MPRIP: variants seen among roughly 807,000 people sequenced by gnomAD.
MPRIP encodes the protein myosin phosphatase Rho-interacting protein.
MPRIP carries 59 observed loss-of-function variants against 234.9 expected under a neutral mutation model. The observed-to-expected ratio is 0.25, with a 90% CI of 0.20 to 0.31. The LOEUF (loss-of-function observed/expected upper bound fraction) is 0.31, where lower values mean the gene tolerates loss of function less well. Ranked by LOEUF, MPRIP falls within the 10% of genes least tolerant of loss-of-function variation. MPRIP has a pLI of 1.00. For missense variants in MPRIP, 2,436 were observed against 3,071.0 expected (o/e 0.79, Z 4.89); for synonymous variants, 1,144 against 1,263.9 (o/e 0.91, Z 2.01).
chr17:17,146,663 C>T (rs1269860623), intron 10 of MPRIP, among the ~76,000 whole-genome samples: 1 of 152,176 alleles, frequency 6.6e-6, no homozygotes, highest in Non-Finnish European at 1.5e-5. Context: ...GGCTGGAAGG[C>T]CAGGCCTCCC....
chr17:17,147,857 T>G (rs766237054), intron 11 of MPRIP, among the ~76,000 whole-genome samples: 3 of 152,204 alleles, frequency 2.0e-5, no homozygotes, highest in African/African-American at 4.8e-5. Flanking sequence ...TTTGGGCCCC[T>G]GGACAGTCCT....
intron 3 of MPRIP, among the ~76,000 whole-genome samples, chr17:17,089,562 G>C (rs1474785744): frequency 6.6e-6 from 1 of 152,030 alleles, no homozygotes; most frequent in Non-Finnish European, 1.5e-5. Flanking sequence ...TGAGCTCCTG[G>C]GCCCAAGTGA....
intron 23 of MPRIP, 147 bp downstream of exon 23, chr17:17,180,235 G>A: frequency 1.4e-6 from 1 of 693,340 alleles, no homozygotes; most frequent in Non-Finnish European, 2.4e-6. Flanking sequence ...ACCCTGCTGG[G>A]CTGGTTCTGG....
At chr17:17,082,260 A>G (rs891680762) in intron 3 of MPRIP, among the ~76,000 whole-genome samples, 2 of 151,630 alleles carry the variant, frequency 1.3e-5, no homozygotes, top group Non-Finnish European at 2.9e-5. Context: ...CTCCAAGGCA[A>G]AAAGCTGATC....
Position 17,043,456 on chromosome 17 carries a change from T to C in MPRIP, c.123+485T>C, listed in dbSNP as rs115969133. 6.1e-3 allele frequency among the ~76,000 whole-genome samples: 924 copies of C among 152,200 alleles called. 14 individuals are homozygous for C. The highest frequency in any genetic ancestry group is 0.021 in the African/African-American group (879 of 41,518). On this transcript the variant is annotated intron_variant, in intron 1 of 23. Transcript: ENST00000651222. The stretch of plus-strand genomic sequence containing the variant: ...AGAGAGGTGAAGGGGTGTCCAAATC[T>C]GGCGAGGAGGGTCTTGTTCTTGAAC...
intron 1 of MPRIP, among the ~76,000 whole-genome samples, 166 bp from the exon 2 acceptor site, chr17:17,075,544 C>T (rs1026788178): frequency 2.6e-5 from 4 of 152,148 alleles, no homozygotes; most frequent in Non-Finnish European, 5.9e-5. Context: ...CCCCGCCAGC[C>T]TCTGACTCTC....
At chr17:17,113,341 ACT>A (rs1382091451) in intron 3 of MPRIP, among the ~76,000 whole-genome samples, 9 of 152,056 alleles carry the variant, frequency 5.9e-5, no homozygotes, top group Non-Finnish European at 1.3e-4. Context: ...CCACCATTCT[ACT>A]CTCTATGAAT....
chr17:17,131,813 A>G, intron 5 of MPRIP, 112 bp downstream of exon 5: 2 of 906,342 alleles, frequency 2.2e-6, no homozygotes, highest in Admixed American at 2.0e-5. Flanking sequence ...GGGCTGAGGC[A>G]GTCACCAACT....
Position 17,165,837 on chromosome 17 carries a change from C to T in MPRIP, c.4246C>T (p.Leu1416Phe), listed in dbSNP as rs2045978774. ...SQQGQSREAL[L>F]ALHHQWAGTE... The stretch of plus-strand genomic sequence containing the variant: ...GCAGGGTCAGAGCCGTGAGGCACTG[C>T]TCGCACTGCACCACCAGTGGGCGGG... The change falls in exon 16 of 24, where the codon CTC (leucine) becomes TTC (phenylalanine). Residue 1416 changes from leucine (L) to phenylalanine (F), a missense_variant. This residue lies in a region of MPRIP where 1,998 missense variants were observed against 2,520.3 expected (regional missense o/e 0.79). Coordinates refer to ENST00000651222, the MANE Select transcript of MPRIP (RefSeq NM_001364716.4). The T allele has an allele frequency of 1.5e-6, 2 of 1,304,296 alleles. No homozygotes were observed. The highest frequency in any genetic ancestry group is 3.0e-5 in the African/African-American group (2 of 65,996). 80.8% of individuals were successfully genotyped at this position (1,304,296 alleles called of 1,614,324 possible).
intron 5 of MPRIP, among the ~76,000 whole-genome samples, chr17:17,134,470 A>G (rs757012470): frequency 6.6e-6 from 1 of 152,136 alleles, no homozygotes; most frequent in Non-Finnish European, 1.5e-5. Context: ...ACTTGTCAGG[A>G]GAAACCTTCA....
At chr17:17,171,534 A>G in intron 16 of MPRIP, 184 bp from the exon 17 acceptor site, 2 of 664,346 alleles carry the variant, frequency 3.0e-6, no homozygotes, top group Non-Finnish European at 5.2e-6. Flanking sequence ...CTCTGATGGC[A>G]TTGCTGAGAA....
chr17:17,048,537 A>C (rs1378288101), intron 1 of MPRIP, among the ~76,000 whole-genome samples: 1 of 152,144 alleles, frequency 6.6e-6, no homozygotes, highest in Non-Finnish European at 1.5e-5. Context: ...GCGTGTCAAA[A>C]ATCTCAGACA....
intron 1 of MPRIP, among the ~76,000 whole-genome samples, chr17:17,059,454 C>T (rs1036224548): frequency 5.3e-5 from 8 of 152,226 alleles, no homozygotes; most frequent in African/African-American, 1.9e-4. Context: ...AGGAGCATGC[C>T]GGCCTCTATA....
At chr17:17,131,826 G>GCT in intron 5 of MPRIP, 125 bp downstream of exon 5, 1 of 792,232 alleles carries the variant, frequency 1.3e-6, no homozygotes, top group South Asian at 1.6e-5. Context: ...CACCAACTCT[G>GCT]CACATCCTTG....
intron 13 of MPRIP, 35 bp downstream of exon 13, chr17:17,154,450 C>A (rs1312093504): frequency 5.0e-6 from 8 of 1,587,916 alleles, no homozygotes; most frequent in Non-Finnish European, 6.9e-6. Flanking sequence ...GCCCTTTGTG[C>A]CTCTTGTGGG....
At chr17:17,077,752 TAAA>T (rs10560581) in intron 2 of MPRIP, 32,302 of 302,448 alleles carry the variant, frequency 0.11, 244 homozygotes, top group Middle Eastern at 0.18. Context: ...TTCCAAGTGT[TAAA>T]AAAAAAAAAA....
chr17:17,113,880 C>CTTTTTTTTTTTTTTTTTTTTT (rs1236846171), intron 3 of MPRIP, among the ~76,000 whole-genome samples: 1 of 93,230 alleles, frequency 1.1e-5, no homozygotes, highest in African/African-American at 5.3e-5. Flanking sequence ...CTTTTCTTTT[C>CTTTTTTTTTTTTTTTTTTTTT]TTTTCTTTTT....
Position 17,167,581 on chromosome 17 carries a change from C to A in MPRIP, c.5990C>A (p.Thr1997Asn), listed in dbSNP as rs1303933584. 1.3e-5 allele frequency: 17 copies of A among 1,304,130 alleles called. No individual in the cohort carries two copies. Among genetic ancestry groups the A allele is most frequent in the Admixed American group, 9.2e-5 (4 of 43,544 alleles). 80.8% of individuals were successfully genotyped at this position (1,304,130 alleles called of 1,614,324 possible). A position where few individuals can be genotyped will look rare whatever the true frequency, so the allele number is the denominator to read the frequency against. ...MERHHGEQIQ[T>N]LEDRFQLKVR... ...AGGCATCATGGTGAGCAGATACAGACCCTGGAGGACAGGTTCCAGCTCAAG... is the reference window on the plus strand; with the variant it reads ...AGGCATCATGGTGAGCAGATACAGAACCTGGAGGACAGGTTCCAGCTCAAG... The change falls in exon 16 of 24, where the codon ACC becomes AAC. Residue 1997 changes from threonine to asparagine, a missense_variant. This residue lies in a region of MPRIP where 1,998 missense variants were observed against 2,520.3 expected (regional missense o/e 0.79). Coordinates refer to ENST00000651222, the MANE Select transcript of MPRIP (RefSeq NM_001364716.4). The surrounding 1 kb of genome is among the most constrained non-coding windows in gnomAD (Gnocchi z 5.9).
chr17:17,130,314 TC>T (rs939008583), intron 4 of MPRIP, among the ~76,000 whole-genome samples: 1 of 151,834 alleles, frequency 6.6e-6, no homozygotes, highest in Non-Finnish European at 1.5e-5. Context: ...GACTGACCCT[TC>T]CTTTGTCTGT....
Sources: gnomAD v4.1 joint callset for allele counts (sites outside exome capture counted in the v4.1 genomes callset) on GRCh38, gnomAD v4.1.1 for gene constraint, gnomAD v4.1.1 regional missense constraint, Gnocchi (gnomAD v3.1) non-coding constraint, MANE v1.5 for transcripts, NCBI Gene and HGNC (gene_info 2026-07-23, HGNC 2026-07-21) for gene names.